Variants in CREB3L1 observed in about 807,000 individuals in gnomAD.
CREB3L1 encodes cyclic AMP-responsive element-binding protein 3-like protein 1.
CREB3L1 carries 33 observed loss-of-function variants against 54.5 expected under a neutral mutation model. The observed-to-expected ratio is 0.61, with a 90% confidence interval of 0.46 to 0.81. The LOEUF is 0.81. Among genes scored for constraint, CREB3L1 ranks in the 30% least tolerant of loss-of-function variants. The pLI, the probability that CREB3L1 is intolerant of heterozygous loss-of-function variation, is 0.00. For synonymous variants in CREB3L1, 284 were observed against 286.4 expected, an observed-to-expected ratio of 0.99 and a Z score of 0.08; for missense variants, 656 against 673.3, an observed-to-expected ratio of 0.97 and a Z score of 0.29.
intron 4 of CREB3L1, among the ~76,000 whole-genome samples, chr11:46,310,325 T>G (rs1211508943): frequency 2.0e-5 from 3 of 152,070 alleles, no homozygotes; most frequent in Non-Finnish European, 2.9e-5. Flanking sequence ...TGGAGTACCA[T>G]GGCACGATCT....
chr11:46,284,181 C>A (rs897482012), intron 1 of CREB3L1, among the ~76,000 whole-genome samples: 1 of 152,056 alleles, frequency 6.6e-6, no homozygotes, highest in African/African-American at 2.4e-5. Context: ...CAATCGCGGA[C>A]GAATGAGAGA....
rs948971262 is a variant in CREB3L1, at chr11:46,299,949, C to T, written c.117C>T (p.His39=). 1 of 1,613,870 alleles carries T rather than the reference C, an allele frequency of 6.2e-7. No individual in the cohort carries two copies. The highest frequency in any genetic ancestry group is 2.2e-5 in the East Asian group (1 of 44,886). The change falls in exon 2 of 12, where the codon CAC becomes CAT. Residue 39 remains histidine (H), a synonymous_variant. Transcript: ENST00000621158. ...DFLNNAHFPE[H]LDHFTENMED... is the part of the protein sequence containing the mutation. ...TCCTTCCCTAGCACTTTCCTGAGCA[C>T]CTGGACCACTTTACGGAGAACATGG...
rs767455501 is a variant in CREB3L1, at chr11:46,317,445, G to A, written c.1216G>A (p.Glu406Lys). ...EFSSGSQTVK[E>K]DPLAADGVYT... The stretch of plus-strand genomic sequence containing the variant: ...CTCCTCCGGCTCCCAGACTGTGAAG[G>A]AAGACCCCCTGGCCGCAGACGGCGT... The change falls in exon 10 of 12, where the codon GAA becomes AAA. Residue 406 changes from glutamate (E) to lysine (K), a missense_variant. Physicochemically the swap from Glu to Lys is moderately conservative, Grantham distance 56 (BLOSUM62 1). This residue lies in a region of CREB3L1 where 240 missense variants were observed against 219.8 expected (regional missense o/e 1.09). Coordinates refer to ENST00000621158, the MANE Select transcript of CREB3L1 (RefSeq NM_052854.4). 6 of 1,613,102 alleles carry A rather than the reference G, an allele frequency of 3.7e-6. No homozygotes were observed. Among genetic ancestry groups the A allele is most frequent in the African/African-American group, 2.7e-5 (2 of 74,914 alleles).
rs77631873 is a variant in CREB3L1 at position 46,317,735 on chromosome 11, G to A, written c.1258+248G>A. 6.9e-3 allele frequency among the ~76,000 whole-genome samples: 1,056 copies of A among 152,362 alleles called. 8 individuals are homozygous for A. The highest frequency in any genetic ancestry group is 0.011 in the Non-Finnish European group (773 of 68,042). On this transcript the variant is annotated intron_variant, in intron 10 of 11. Transcript: ENST00000621158. ...AGCCTAGCTCCCAGAGAGCTCAGGA[G>A]TGGCTTGCAGGAGGTGGGTTTAGGG...
chr11:46,291,120 C>T (rs558468302), intron 1 of CREB3L1, among the ~76,000 whole-genome samples: 6 of 152,292 alleles, frequency 3.9e-5, no homozygotes, highest in East Asian at 1.9e-4. Flanking sequence ...TTTGCCCATC[C>T]GACTGACTCA....
chr11:46,287,419 C>T (rs772538968), intron 1 of CREB3L1, among the ~76,000 whole-genome samples: 1 of 152,126 alleles, frequency 6.6e-6, no homozygotes, highest in Non-Finnish European at 1.5e-5. Context: ...TCACCTCAAA[C>T]CCCTGAGTAG....
At chr11:46,288,539 G>A (rs192454116) in intron 1 of CREB3L1, among the ~76,000 whole-genome samples, 68 of 152,280 alleles carry the variant, frequency 4.5e-4, no homozygotes, top group African/African-American at 1.5e-3. Context: ...CCCTGATCAC[G>A]GGGATTTTAT....
Position 46,278,449 on chromosome 11 carries a change from G to T in CREB3L1, c.102+236G>T, listed in dbSNP as rs972973672. Among the ~76,000 whole-genome samples, 4 of 152,194 alleles carry T rather than the reference G, an allele frequency of 2.6e-5. No homozygotes were observed. Among genetic ancestry groups the T allele is most frequent in the Non-Finnish European group, 5.9e-5 (4 of 68,030 alleles). ...AAGGGGCCATCGAGGTATCGGGTCC[G>T]TCCGATCCTCGGATCTGAGCTCAAG... On this transcript the variant is annotated intron_variant, in intron 1 of 11. Coordinates refer to ENST00000621158, the MANE Select transcript of CREB3L1 (RefSeq NM_052854.4). The surrounding 1 kb of genome is among the most constrained non-coding windows in gnomAD (Gnocchi z 4.2).
In CREB3L1 at chr11:46,278,934, C is replaced by T. The variant is rs1938926150; in HGVS notation, c.102+721C>T. 6.6e-6 allele frequency among the ~76,000 whole-genome samples: 1 copy of T among 152,216 alleles called. No individual in the cohort carries two copies. The highest frequency in any genetic ancestry group is 1.5e-5 in the Non-Finnish European group (1 of 68,036). On this transcript the variant is annotated intron_variant, in intron 1 of 11. Coordinates refer to ENST00000621158, the MANE Select transcript of CREB3L1 (RefSeq NM_052854.4). This position sits in a 1 kb window ranked among gnomAD's most constrained non-coding sequence, Gnocchi z 4.2. ...GTCCGACTGTGAGCTTGTCTTTCTC[C>T]TCTTTCTCACTCTTCCCCTCCCTCC...
chr11:46,284,655 C>CAAA (rs10715929), intron 1 of CREB3L1, among the ~76,000 whole-genome samples: 1 of 134,416 alleles, frequency 7.4e-6, no homozygotes. Flanking sequence ...ACTCCATCTC[C>CAAA]AAAAAAAAAA....
chr11:46,292,797 T>C (rs1939148848), intron 1 of CREB3L1, among the ~76,000 whole-genome samples: 1 of 152,142 alleles, frequency 6.6e-6, no homozygotes. Context: ...TTAAATTTTT[T>C]TTTTTTTAGA....
chr11:46,279,128 CT>C (rs1192751326), intron 1 of CREB3L1, among the ~76,000 whole-genome samples: 1 of 152,148 alleles, frequency 6.6e-6, no homozygotes, highest in Non-Finnish European at 1.5e-5. Context: ...TGGGAGCCCC[CT>C]CTTCAGTGAA....
At chr11:46,300,859 C>G (rs7130962) in intron 2 of CREB3L1, among the ~76,000 whole-genome samples, 152,156 of 152,188 alleles carry the variant, frequency 1, 76,062 homozygotes, top group Middle Eastern at 1. Flanking sequence ...TTAAAAATTA[C>G]CCGGGGGTGG....
rs1419875417 is a variant in CREB3L1, at chr11:46,317,267, T to C, written c.1132-94T>C. On this transcript the variant is annotated intron_variant, in intron 9 of 11. Coordinates refer to ENST00000621158, the MANE Select transcript of CREB3L1 (RefSeq NM_052854.4). ...CTTCCTTGGGAAAACGCTAAGACTTTTGTGCCTGTTGGTTTGGGAGAGGAG... is the reference window on the plus strand; with the variant it reads ...CTTCCTTGGGAAAACGCTAAGACTTCTGTGCCTGTTGGTTTGGGAGAGGAG... 5 of 1,527,674 alleles carry C rather than the reference T, an allele frequency of 3.3e-6. No individual in the cohort carries two copies. In the East Asian group the frequency reaches 9.1e-5, roughly 28 times the overall value. The allele number at this position is 1,527,674 out of a possible 1,614,324, so 94.6% of individuals were successfully genotyped here. A position where few individuals can be genotyped will look rare whatever the true frequency, so the allele number is the denominator to read the frequency against.
At chr11:46,298,748 C>A (rs1939249000) in intron 1 of CREB3L1, among the ~76,000 whole-genome samples, 1 of 152,116 alleles carries the variant, frequency 6.6e-6, no homozygotes, top group Admixed American at 6.6e-5. Flanking sequence ...ATTTATAATT[C>A]TTTAGAGAGA....
At position 46,316,315 on chromosome 11, in the gene CREB3L1, A is replaced by T. The variant is rs771326291; in HGVS notation, c.1061A>T (p.Gln354Leu). 8 of 1,572,550 alleles carry T rather than the reference A, an allele frequency of 5.1e-6. No individual in the cohort carries two copies. ...CTGCTCCAGCAGCTGCAGAAACTCC[A>T]GACTCTGGTCACCAACAAGATCTCC... ...RTLLQQLQKL[Q>L]TLVTNKISRP... is the part of the protein sequence containing the mutation. Residue 354 changes from glutamine to leucine, a missense_variant, in exon 9 of 12, where the codon CAG becomes CTG. Physicochemically the swap from Gln to Leu is moderately radical, Grantham distance 113 (BLOSUM62 -2). Transcript: ENST00000621158.
At chr11:46,307,202 C>T (rs1046643408) in intron 2 of CREB3L1, among the ~76,000 whole-genome samples, 1 of 152,138 alleles carries the variant, frequency 6.6e-6, no homozygotes, top group African/African-American at 2.4e-5. Context: ...CCCACCTCAG[C>T]CTCCTGAGTA....
intron 2 of CREB3L1, among the ~76,000 whole-genome samples, chr11:46,301,482 C>A (rs934966236): frequency 6.6e-6 from 1 of 151,904 alleles, no homozygotes; most frequent in African/African-American, 2.4e-5. Flanking sequence ...TACAAAAATA[C>A]AACAATTAGC....
intron 8 of CREB3L1, among the ~76,000 whole-genome samples, chr11:46,314,538 G>A (rs1939537281): frequency 6.6e-6 from 1 of 151,874 alleles, no homozygotes; most frequent in Non-Finnish European, 1.5e-5. Flanking sequence ...CACCACCCCT[G>A]GCTAATTTTA....
Sources: allele counts gnomAD v4.1 joint callset (sites outside exome capture counted in the v4.1 genomes callset), GRCh38; gene constraint gnomAD v4.1.1; regional missense constraint gnomAD v4.1.1; non-coding constraint Gnocchi (gnomAD v3.1); transcripts MANE v1.5; gene names NCBI Gene and HGNC (gene_info 2026-07-23, HGNC 2026-07-21).